The following NAV3 variants were observed in gnomAD, a reference collection of about 807,000 sequenced individuals.
The protein encoded by NAV3 is neuron navigator 3.
Under a neutral mutation model 244.7 loss-of-function variants are expected in NAV3, and 87 were observed. The ratio of observed to expected loss-of-function variants is 0.36; its 90% confidence interval spans 0.30 to 0.42. The LOEUF is 0.42. Among genes scored for constraint, NAV3 ranks in the 20% least tolerant of loss-of-function variants. NAV3 has a pLI of 1.00. For missense variants in NAV3, 2,663 were observed against 2,893.3 expected, an observed-to-expected ratio of 0.92 and a Z score of 1.83; for synonymous variants, 1,126 against 1,042.2, an observed-to-expected ratio of 1.08 and a Z score of -1.55.
chr12:78,075,188 A>G (rs1198218651), intron 12 of NAV3, among the ~76,000 whole-genome samples: 1 of 152,200 alleles, frequency 6.6e-6, no homozygotes, highest in East Asian at 1.9e-4. Flanking sequence ...ACAGATATGA[A>G]GAAAACATAG....
At chr12:78,115,077 G>T (rs547053097) in intron 12 of NAV3, among the ~76,000 whole-genome samples, 1 of 152,234 alleles carries the variant, frequency 6.6e-6, no homozygotes, top group East Asian at 1.9e-4. Context: ...GTACATATAT[G>T]ATGTAGCTCT....
At chr12:77,853,920 A>G (rs1246991944) in intron 1 of NAV3, among the ~76,000 whole-genome samples, 2 of 152,336 alleles carry the variant, frequency 1.3e-5, no homozygotes, top group East Asian at 3.9e-4. Flanking sequence ...TATGAATCCT[A>G]TGACTTCTAA....
chr12:77,991,430 C>T (rs923387407), intron 5 of NAV3, among the ~76,000 whole-genome samples: 4 of 150,166 alleles, frequency 2.7e-5, no homozygotes, highest in Admixed American at 1.3e-4. Flanking sequence ...TATGTTTATA[C>T]ATTTAAATAA....
At chr12:77,706,469 C>T (rs1364513927) in intron 2 of NAV3, among the ~76,000 whole-genome samples, 1 of 151,392 alleles carries the variant, frequency 6.6e-6, no homozygotes, top group Admixed American at 6.6e-5. Context: ...CTCTACTTTT[C>T]ATGTGTACAC....
intron 12 of NAV3, among the ~76,000 whole-genome samples, chr12:78,064,189 T>C (rs1471461195): frequency 1.3e-5 from 2 of 152,122 alleles, no homozygotes; most frequent in African/African-American, 4.8e-5. Flanking sequence ...ATGATAATCC[T>C]TGGCTGTCAT....
intron 1 of NAV3, among the ~76,000 whole-genome samples, chr12:77,925,053 C>T (rs1481253551): frequency 6.6e-6 from 1 of 151,972 alleles, no homozygotes; most frequent in Admixed American, 6.6e-5. Flanking sequence ...TTCTGAAACC[C>T]TTCAAAAATT....
chr12:77,605,178 G>A (rs1565733690), intron 2 of NAV3, among the ~76,000 whole-genome samples: 1 of 152,016 alleles, frequency 6.6e-6, no homozygotes, highest in African/African-American at 2.4e-5. Context: ...ATCATGCCTT[G>A]CAAAATGCCC....
chr12:77,900,188 T>C (rs1172677363), intron 1 of NAV3, among the ~76,000 whole-genome samples: 2 of 151,738 alleles, frequency 1.3e-5, no homozygotes, highest in Non-Finnish European at 2.9e-5. Flanking sequence ...GCCATTCTCC[T>C]GCCTCAGCCT....
At chr12:78,133,601 A>T (rs1348489198) in intron 18 of NAV3, among the ~76,000 whole-genome samples, 1 of 151,762 alleles carries the variant, frequency 6.6e-6, no homozygotes, top group Admixed American at 6.6e-5. Flanking sequence ...AAATTTTACT[A>T]TAAAAAATCA....
intron 2 of NAV3, among the ~76,000 whole-genome samples, chr12:77,698,968 C>A (rs1046053375): frequency 6.6e-6 from 1 of 152,134 alleles, no homozygotes. Flanking sequence ...AATGTTTCAT[C>A]TCCACATAGT....
chr12:78,096,772 G>A (rs1954274546), intron 12 of NAV3, among the ~76,000 whole-genome samples: 1 of 152,204 alleles, frequency 6.6e-6, no homozygotes, highest in Admixed American at 6.5e-5. Context: ...TTTGGGTGGG[G>A]ATACCGCCAA....
In NAV3 at chr12:77,605,328, C is replaced by T. The variant is rs192189713; in HGVS notation, c.72+33062C>T. Among the ~76,000 whole-genome samples the T allele has an allele frequency of 3.0e-3, 450 of 152,124 alleles. 4 individuals are homozygous for T. The highest frequency in any genetic ancestry group is 0.017 in the Middle Eastern group (5 of 294). ...ATAGCACCTGCCCGATCATAATCTC[C>T]TCTAATTACCTATAAATATAAGGTC... On this transcript the variant is annotated intron_variant, in intron 2 of 8. Transcript: ENST00000550042.
Position 77,797,459 on chromosome 12 carries a change from G to T in NAV3, c.73-142860G>T, listed in dbSNP as rs557417945. ...TTTATTATATATTTTGGGCAAATTG[G>T]TAAACACATTAGTTTCCTTATTTAC... On this transcript the variant is annotated intron_variant, in intron 2 of 8. Transcript: ENST00000550042. Among the ~76,000 whole-genome samples, 3 of 150,254 alleles carry T rather than the reference G, an allele frequency of 2.0e-5. No individual in the cohort carries two copies. In the South Asian group the frequency reaches 6.3e-4, roughly 32 times the overall value.
upstream of NAV3, among the ~76,000 whole-genome samples, chr12:77,830,379 G>C (rs939458): frequency 0.28 from 42,152 of 152,094 alleles, 6,671 homozygotes; most frequent in South Asian, 0.37. Flanking sequence ...AGTCATAGCT[G>C]TTCTTTCTAT....
intron 2 of NAV3, among the ~76,000 whole-genome samples, chr12:77,640,805 T>C (rs1872375571): frequency 6.6e-6 from 1 of 151,706 alleles, no homozygotes; most frequent in Non-Finnish European, 1.5e-5. Flanking sequence ...TTTAAAAGAG[T>C]TTACTGGAGC....
rs1329151082 is a variant in NAV3 at position 77,605,406 on chromosome 12, AT to A, written c.72+33147del. Among the ~76,000 whole-genome samples, 3 of 152,098 alleles carry A rather than the reference AT, an allele frequency of 2.0e-5. No homozygotes were observed. The South Asian group carries it at 6.2e-4, about 32-fold the overall frequency. ...GGTTCAACCAATTGGTTATCATTAT[AT>A]TTTTTTCTCAATGACTAAAAGTTGG... On this transcript the variant is annotated intron_variant, in intron 2 of 8. Coordinates refer to the NAV3 transcript ENST00000550042.
chr12:77,741,864 T>C (rs912886606), intron 2 of NAV3, among the ~76,000 whole-genome samples: 12 of 152,148 alleles, frequency 7.9e-5, no homozygotes, highest in African/African-American at 2.7e-4. Context: ...AATTGATGCT[T>C]ATACAAAAGA....
Position 78,204,920 on chromosome 12 carries a change from G to A in NAV3, c.6835-15G>A, listed in dbSNP as rs202117219. 9.1e-5 allele frequency: 146 copies of A among 1,612,146 alleles called. No homozygotes were observed. The highest frequency in any genetic ancestry group is 1.1e-4 in the Non-Finnish European group (134 of 1,178,862). Reference sequence around the variant, plus strand: ...TGCATTTTATATATATCCTAAACGCGTGGTCAACTTTTAGATGTATGGGAA... The same window carrying A: ...TGCATTTTATATATATCCTAAACGCATGGTCAACTTTTAGATGTATGGGAA... On this transcript the variant is annotated splice_polypyrimidine_tract_variant and intron_variant, in intron 38 of 39. Coordinates refer to ENST00000397909, the MANE Select transcript of NAV3 (RefSeq NM_001024383.2).
chr12:78,065,373 A>G (rs1302611914), intron 12 of NAV3, among the ~76,000 whole-genome samples: 1 of 152,168 alleles, frequency 6.6e-6, no homozygotes, highest in Non-Finnish European at 1.5e-5. Flanking sequence ...TTTTGTTTAA[A>G]CCACTCTGTG....
Sources: gnomAD v4.1 joint callset for allele counts (sites outside exome capture counted in the v4.1 genomes callset) on GRCh38, gnomAD v4.1.1 for gene constraint, MANE v1.5 for transcripts, NCBI Gene and HGNC (gene_info 2026-07-23, HGNC 2026-07-21) for gene names.